The following RNF220 variants were observed in gnomAD, a reference collection of about 807,000 sequenced individuals.
RNF220 encodes the protein E3 ubiquitin-protein ligase RNF220.
A neutral mutation model predicts 67.1 loss-of-function variants in RNF220; 7 were observed. The observed-to-expected ratio is 0.10, with a 90% confidence interval of 0.06 to 0.20. The LOEUF (loss-of-function observed/expected upper bound fraction) is 0.20, where lower values mean the gene tolerates loss of function less well. Ranked by LOEUF, RNF220 falls within the 10% of genes least tolerant of loss-of-function variation. The probability of loss-of-function intolerance (pLI) is 1.00; values close to 1 mark genes in which losing one functional copy is unlikely to be tolerated. For missense variants in RNF220, 565 were observed against 740.3 expected, an observed-to-expected ratio of 0.76 and a Z score of 2.75; for synonymous variants, 270 against 283.2, an observed-to-expected ratio of 0.95 and a Z score of 0.47.
At chr1:44,451,783 G>C (rs1207603396) in intron 2 of RNF220, among the ~76,000 whole-genome samples, 1 of 152,166 alleles carries the variant, frequency 6.6e-6, no homozygotes, top group Non-Finnish European at 1.5e-5. Context: ...ACCACGCTCA[G>C]CGAATTTTTG....
chr1:44,518,884 AAAAAC>A lies in RNF220; in HGVS notation c.626-95276_626-95272del, dbSNP rs1227628589. On this transcript the variant is annotated intron_variant, in intron 2 of 14. Coordinates refer to ENST00000361799, the MANE Select transcript of RNF220 (RefSeq NM_018150.4). ...AGCAAGACTCCGTCTAAAAAACAAA[AAAAAC>A]AAAAAAAAAAAAACTTAATCCTGAT... Among the ~76,000 whole-genome samples the A allele has an allele frequency of 1.1e-3, 160 of 147,464 alleles. 1 individual carries two copies. Among genetic ancestry groups the A allele is most frequent in the African/African-American group, 3.7e-3 (147 of 39,226 alleles).
At chr1:44,451,494 C>T (rs1652681090) in intron 2 of RNF220, among the ~76,000 whole-genome samples, 1 of 152,134 alleles carries the variant, frequency 6.6e-6, no homozygotes, top group Non-Finnish European at 1.5e-5. Context: ...AGGTTCTCTC[C>T]ATTACATTAT....
intron 4 of RNF220, among the ~76,000 whole-genome samples, chr1:44,623,824 T>A (rs1643874399): frequency 2.6e-5 from 4 of 152,070 alleles, no homozygotes; most frequent in Admixed American, 2.6e-4. Context: ...TATCTCAGGA[T>A]CCTAAGGAAG....
intron 2 of RNF220, among the ~76,000 whole-genome samples, chr1:44,593,113 C>T (rs78241069): frequency 0.035 from 5,382 of 152,280 alleles, 340 homozygotes; most frequent in African/African-American, 0.12. Flanking sequence ...ACCCAATCTT[C>T]TCTCCCAACA....
intron 2 of RNF220, among the ~76,000 whole-genome samples, chr1:44,439,342 TC>T (rs770424170): frequency 6.6e-6 from 1 of 152,178 alleles, no homozygotes; most frequent in Admixed American, 6.5e-5. Flanking sequence ...TAGTTTATCT[TC>T]TTTTTTGAAT....
Position 44,645,010 on chromosome 1 carries a change from T to A in RNF220, c.1239T>A (p.Asp413Glu). 6.2e-7 allele frequency: 1 copy of A among 1,614,066 alleles called. No individual in the cohort carries two copies. ...EYGKPQYTEA[D>E]VIPCTGEEPG... The stretch of plus-strand genomic sequence containing the variant: ...ACCATGCCAGATACACAGAGGCTGA[T>A]GTCATCCCCTGCACAGGCGAGGAGC... Residue 413 changes from aspartate to glutamate, a missense_variant, in exon 10 of 15, where the codon GAT becomes GAA. Physicochemically the swap from Asp to Glu is conservative, Grantham distance 45 (BLOSUM62 2). Coordinates refer to ENST00000361799, the MANE Select transcript of RNF220 (RefSeq NM_018150.4). This position sits in a 1 kb window ranked among gnomAD's most constrained non-coding sequence, Gnocchi z 5.0.
rs551206189 is a variant in RNF220 at position 44,532,750 on chromosome 1, G to A, written c.626-81415G>A. On this transcript the variant is annotated intron_variant, in intron 2 of 14. Coordinates refer to ENST00000361799, the MANE Select transcript of RNF220 (RefSeq NM_018150.4). ...TAGGAGCATTGCCTTCATTATCTCCGTTAAGCCCCACAGCAATCTTATGAA... is the reference window on the plus strand; with the variant it reads ...TAGGAGCATTGCCTTCATTATCTCCATTAAGCCCCACAGCAATCTTATGAA... Among the ~76,000 whole-genome samples the A allele has an allele frequency of 1.4e-4, 21 of 152,238 alleles. No homozygotes were observed. The South Asian group carries it at 1.4e-3, about 11-fold the overall frequency.
chr1:44,531,270 A>T (rs1313432438), intron 2 of RNF220, among the ~76,000 whole-genome samples: 1 of 152,118 alleles, frequency 6.6e-6, no homozygotes, highest in East Asian at 1.9e-4. Context: ...CTTCTGTCCC[A>T]TTTCTCATGC....
At chr1:44,448,835 T>C (rs777663904) in intron 2 of RNF220, among the ~76,000 whole-genome samples, 1 of 152,204 alleles carries the variant, frequency 6.6e-6, no homozygotes, top group Non-Finnish European at 1.5e-5. Context: ...TGTGTCCAAA[T>C]GGGTTTCAAG....
At chr1:44,486,992 G>A (rs1043245322) in intron 2 of RNF220, among the ~76,000 whole-genome samples, 2 of 152,204 alleles carry the variant, frequency 1.3e-5, no homozygotes, top group African/African-American at 4.8e-5. Flanking sequence ...ACAATTAACA[G>A]CAGCAAACTG....
At chr1:44,438,759 A>T (rs1347931690) in intron 2 of RNF220, among the ~76,000 whole-genome samples, 1 of 152,260 alleles carries the variant, frequency 6.6e-6, no homozygotes, top group Non-Finnish European at 1.5e-5. Context: ...AATAAAACAC[A>T]TAGACAAAAA....
At chr1:44,623,572 T>C (rs993825885) in intron 4 of RNF220, among the ~76,000 whole-genome samples, 2 of 152,224 alleles carry the variant, frequency 1.3e-5, no homozygotes, top group Non-Finnish European at 2.9e-5. Context: ...TGCATCCTTT[T>C]TCCCATAATT....
chr1:44,522,026 CA>C (rs1296486190), intron 2 of RNF220, among the ~76,000 whole-genome samples: 2 of 152,174 alleles, frequency 1.3e-5, no homozygotes, highest in African/African-American at 2.4e-5. Context: ...ATGCATGAAA[CA>C]ACAAAGCAAG....
At chr1:44,534,467 C>T (rs1019162636) in intron 2 of RNF220, among the ~76,000 whole-genome samples, 6 of 152,128 alleles carry the variant, frequency 3.9e-5, no homozygotes, top group Non-Finnish European at 8.8e-5. Flanking sequence ...AATGCTATCC[C>T]TCCCTTCTCC....
Position 44,413,243 on chromosome 1 carries a change from G to A in RNF220, c.625+521G>A, listed in dbSNP as rs549014858. The stretch of plus-strand genomic sequence containing the variant: ...AGGCTATTTTTCAGAGAAGGACAAA[G>A]GTGTCGTCAATCACCATAAAGCATT... On this transcript the variant is annotated intron_variant, in intron 2 of 14. Coordinates refer to ENST00000361799, the MANE Select transcript of RNF220 (RefSeq NM_018150.4). Among the ~76,000 whole-genome samples, 29 of 152,292 alleles carry A rather than the reference G, an allele frequency of 1.9e-4. No individual in the cohort carries two copies. The South Asian group carries it at 5.8e-3, about 31-fold the overall frequency.
At chr1:44,607,217 C>T (rs1411043802) in intron 2 of RNF220, among the ~76,000 whole-genome samples, 1 of 152,230 alleles carries the variant, frequency 6.6e-6, no homozygotes, top group Non-Finnish European at 1.5e-5. Flanking sequence ...GCCCCTTAGA[C>T]CACTGGCTAC....
chr1:44,467,336 C>T (rs1200264892), intron 2 of RNF220, among the ~76,000 whole-genome samples: 3 of 152,298 alleles, frequency 2.0e-5, no homozygotes, highest in African/African-American at 2.4e-5. Flanking sequence ...CTCAGCCTCC[C>T]GAGTAGCTGG....
chr1:44,602,200 G>A (rs780429144), intron 2 of RNF220, among the ~76,000 whole-genome samples: 1 of 152,128 alleles, frequency 6.6e-6, no homozygotes, highest in Non-Finnish European at 1.5e-5. Flanking sequence ...GATGGGCTTC[G>A]GGGAGAGAGG....
intron 8 of RNF220, among the ~76,000 whole-genome samples, chr1:44,642,311 T>C (rs1042718586): frequency 6.6e-6 from 1 of 152,190 alleles, no homozygotes; most frequent in Non-Finnish European, 1.5e-5. Flanking sequence ...CTCTCTATTC[T>C]CAACATGGAG....
Sources: gnomAD v4.1 joint callset for allele counts (sites outside exome capture counted in the v4.1 genomes callset) on GRCh38, gnomAD v4.1.1 for gene constraint, Gnocchi (gnomAD v3.1) non-coding constraint, MANE v1.5 for transcripts, NCBI Gene and HGNC (gene_info 2026-07-23, HGNC 2026-07-21) for gene names.